The following SHROOM3 variants were observed in gnomAD, a reference collection of about 807,000 sequenced individuals.
The protein encoded by SHROOM3 is protein Shroom3.
Under a neutral mutation model 138.6 loss-of-function variants are expected in SHROOM3, and 47 were observed. The observed-to-expected ratio is 0.34, with a 90% CI of 0.27 to 0.43. The LOEUF (loss-of-function observed/expected upper bound fraction) is 0.43, where lower values mean the gene tolerates loss of function less well. Among genes scored for constraint, SHROOM3 ranks in the 20% least tolerant of loss-of-function variants. The pLI is 1.00. For missense variants in SHROOM3, 2,491 were observed against 2,596.5 expected (o/e 0.96, Z 0.88); for synonymous variants, 1,062 against 1,063.3 (o/e 1.00, Z 0.02).
intron 2 of SHROOM3, among the ~76,000 whole-genome samples, chr4:76,580,969 A>G (rs73828171): frequency 0.038 from 5,780 of 152,216 alleles, 350 homozygotes; most frequent in African/African-American, 0.13. Context: ...TTTAGGGTAC[A>G]TGTGCACAAC....
chr4:76,549,789 G>C (rs1280413483), intron 1 of SHROOM3, among the ~76,000 whole-genome samples: 1 of 152,180 alleles, frequency 6.6e-6, no homozygotes, highest in Non-Finnish European at 1.5e-5. Flanking sequence ...AAAGAGGGAG[G>C]AGGGGAATGT....
chr4:76,595,246 C>T (rs967191590), intron 2 of SHROOM3, among the ~76,000 whole-genome samples: 1 of 152,168 alleles, frequency 6.6e-6, no homozygotes, highest in Non-Finnish European at 1.5e-5. Context: ...AGAAAGTAGG[C>T]AGCTATTCAC....
intron 2 of SHROOM3, among the ~76,000 whole-genome samples, chr4:76,679,293 G>A (rs886292588): frequency 4.6e-5 from 7 of 152,128 alleles, no homozygotes; most frequent in African/African-American, 1.7e-4. Flanking sequence ...AGGCACGCTA[G>A]TGTCTTCCAT....
chr4:76,462,734 C>T lies in SHROOM3; in HGVS notation c.168+26514C>T, dbSNP rs370589479. On this transcript the variant is annotated intron_variant, in intron 1 of 10. Transcript: ENST00000296043. Reference sequence around the variant, plus strand: ...TCTCCCTCTCCCTCTCCCTTTCCCTCTCCATCTCCATCTCCCTCTCCCTCT... The same window carrying T: ...TCTCCCTCTCCCTCTCCCTTTCCCTTTCCATCTCCATCTCCCTCTCCCTCT... Among the ~76,000 whole-genome samples the T allele has an allele frequency of 1.3e-3, 193 of 145,472 alleles. 2 individuals are homozygous for T. The East Asian group carries it at 0.031, about 23-fold the overall frequency.
intron 2 of SHROOM3, among the ~76,000 whole-genome samples, chr4:76,594,730 G>A (rs532179045): frequency 4.6e-5 from 7 of 152,302 alleles, no homozygotes; most frequent in East Asian, 1.9e-4. Flanking sequence ...CCATTGGAAC[G>A]CCATGAATTC....
At chr4:76,656,274 G>T (rs1347876173) in intron 2 of SHROOM3, among the ~76,000 whole-genome samples, 2 of 152,176 alleles carry the variant, frequency 1.3e-5, no homozygotes, top group African/African-American at 4.8e-5. Flanking sequence ...TTGTACTACG[G>T]TTCCTCTTAG....
chr4:76,697,845 C>T (rs534724645), intron 2 of SHROOM3, among the ~76,000 whole-genome samples: 20 of 152,132 alleles, frequency 1.3e-4, no homozygotes, highest in Non-Finnish European at 2.4e-4. Flanking sequence ...CCAGAATTCC[C>T]CTGGAGAGCA....
intron 1 of SHROOM3, chr4:76,509,752 A>G (rs1370542615): frequency 6.6e-6 from 1 of 152,184 alleles, no homozygotes; most frequent in Non-Finnish European, 1.5e-5. Context: ...GAGCACTCTC[A>G]GACTCTTTAA....
intron 4 of SHROOM3, among the ~76,000 whole-genome samples, chr4:76,737,151 A>ATGTC (rs1250080161): frequency 1.1e-4 from 17 of 152,024 alleles, no homozygotes; most frequent in Middle Eastern, 3.4e-3. Context: ...CTTTTCCAGA[A>ATGTC]TGTCAGTCAT....
intron 2 of SHROOM3, among the ~76,000 whole-genome samples, chr4:76,686,990 C>T (rs1719355002): frequency 6.6e-6 from 1 of 152,192 alleles, no homozygotes; most frequent in Non-Finnish European, 1.5e-5. Flanking sequence ...GGACTTATTC[C>T]AGTCTCTCTG....
Position 76,740,660 on chromosome 4 carries a change from A to G in SHROOM3, c.2487A>G (p.Lys829=). The G allele has an allele frequency of 6.2e-7, 1 of 1,614,178 alleles. No homozygotes were observed. The highest frequency in any genetic ancestry group is 8.5e-7 in the Non-Finnish European group (1 of 1,180,034). Residue 829 remains lysine (K), a synonymous_variant, in exon 5 of 11, where the codon AAA becomes AAG. Coordinates refer to ENST00000296043, the MANE Select transcript of SHROOM3 (RefSeq NM_020859.4). This position sits in a 1 kb window ranked among gnomAD's most constrained non-coding sequence, Gnocchi z 4.0. ...STSGNDFEET[K]AHIRFSESAE... ...CTGGGAATGACTTCGAGGAGACAAA[A>G]GCACACATTCGTTTCTCTGAGTCAG...
At chr4:76,725,612 T>C (rs953386686) in intron 3 of SHROOM3, among the ~76,000 whole-genome samples, 14 of 152,174 alleles carry the variant, frequency 9.2e-5, no homozygotes, top group African/African-American at 3.4e-4. Flanking sequence ...TGGAGCCCGA[T>C]CCCGTGTGTC....
intron 1 of SHROOM3, among the ~76,000 whole-genome samples, chr4:76,551,221 T>G (rs1206972664): frequency 6.6e-6 from 1 of 151,970 alleles, no homozygotes; most frequent in East Asian, 2.0e-4. Context: ...ACTCTGTAAA[T>G]ACAAAAGGTT....
chr4:76,649,898 C>T (rs1735915660), intron 2 of SHROOM3, among the ~76,000 whole-genome samples: 1 of 152,184 alleles, frequency 6.6e-6, no homozygotes, highest in Admixed American at 6.5e-5. Flanking sequence ...GACCATGTGG[C>T]TTAAGCAACA....
chr4:76,454,362 T>G (rs1730985784), intron 1 of SHROOM3, among the ~76,000 whole-genome samples: 2 of 152,220 alleles, frequency 1.3e-5, no homozygotes, highest in African/African-American at 4.8e-5. Flanking sequence ...TTATATGGTA[T>G]AAGGTAAGGG....
At chr4:76,715,251 A>G (rs565268038) in intron 3 of SHROOM3, among the ~76,000 whole-genome samples, 7 of 152,324 alleles carry the variant, frequency 4.6e-5, no homozygotes, top group African/African-American at 1.7e-4. Context: ...ACTTATCTAT[A>G]AGAAAAAAGA....
intron 1 of SHROOM3, among the ~76,000 whole-genome samples, chr4:76,484,340 G>T (rs146835122): frequency 2.0e-5 from 3 of 152,186 alleles, no homozygotes; most frequent in Non-Finnish European, 4.4e-5. Flanking sequence ...GAGAGGCTGA[G>T]GGGGGAGGAT....
At chr4:76,514,741 AT>A (rs1732409991) in intron 1 of SHROOM3, among the ~76,000 whole-genome samples, 1 of 152,220 alleles carries the variant, frequency 6.6e-6, no homozygotes, top group Non-Finnish European at 1.5e-5. Context: ...TTAAAATATA[AT>A]TCAATTAAAA....
At chr4:76,768,790 A>G (rs1438724192) in intron 9 of SHROOM3, among the ~76,000 whole-genome samples, 1 of 152,198 alleles carries the variant, frequency 6.6e-6, no homozygotes. Flanking sequence ...CTGGGATTAC[A>G]GGCATGAGCC....
Sources: allele counts gnomAD v4.1 joint callset (sites outside exome capture counted in the v4.1 genomes callset), GRCh38; gene constraint gnomAD v4.1.1; non-coding constraint Gnocchi (gnomAD v3.1); transcripts MANE v1.5; gene names NCBI Gene and HGNC (gene_info 2026-07-23, HGNC 2026-07-21).